The following KIAA0825 variants were observed in gnomAD, a reference collection of about 807,000 sequenced individuals.
KIAA0825 encodes KIAA0825, also known as uncharacterized protein KIAA0825.
In KIAA0825, 119 loss-of-function variants were observed where a neutral mutation model predicts 147.6. The ratio of observed to expected loss-of-function variants is 0.81; its 90% CI spans 0.69 to 0.94. The LOEUF (loss-of-function observed/expected upper bound fraction) is 0.94, where lower values mean the gene tolerates loss of function less well. KIAA0825 is among the 40% of genes least tolerant of loss of function. The pLI, the probability that KIAA0825 is intolerant of heterozygous loss-of-function variation, is 0.00. For missense variants in KIAA0825, 1,381 were observed against 1,472.7 expected (o/e 0.94, Z 1.02); for synonymous variants, 470 against 518.1 (o/e 0.91, Z 1.26).
intron 20 of KIAA0825, among the ~76,000 whole-genome samples, chr5:94,365,627 A>C (rs1321153074): frequency 6.6e-6 from 1 of 152,154 alleles, no homozygotes; most frequent in Non-Finnish European, 1.5e-5. Context: ...GACCTAACTA[A>C]CACCATCTTG....
chr5:94,290,568 A>G (rs962989162), intron 20 of KIAA0825, among the ~76,000 whole-genome samples: 2 of 152,106 alleles, frequency 1.3e-5, no homozygotes, highest in African/African-American at 4.8e-5. Context: ...AGTCTTTGCT[A>G]TTGTAAATAG....
intron 20 of KIAA0825, among the ~76,000 whole-genome samples, chr5:94,251,027 C>T (rs923422188): frequency 6.6e-6 from 1 of 152,040 alleles, no homozygotes; most frequent in Non-Finnish European, 1.5e-5. Context: ...CCTTTTATTC[C>T]ATAACCAGCT....
intron 20 of KIAA0825, among the ~76,000 whole-genome samples, chr5:94,289,815 A>C (rs1174847116): frequency 6.6e-6 from 1 of 151,830 alleles, no homozygotes; most frequent in African/African-American, 2.4e-5. Flanking sequence ...TGAGGCAGGA[A>C]GATCACTTGA....
At chr5:94,521,405 A>C (rs938890680) in intron 4 of KIAA0825, among the ~76,000 whole-genome samples, 1 of 151,802 alleles carries the variant, frequency 6.6e-6, no homozygotes, top group African/African-American at 2.4e-5. Context: ...TCATTCTAGA[A>C]TATAGATCTT....
intron 20 of KIAA0825, among the ~76,000 whole-genome samples, chr5:94,178,128 T>C (rs150746947): frequency 6.6e-6 from 1 of 152,180 alleles, no homozygotes; most frequent in East Asian, 1.9e-4. Flanking sequence ...TGTTTCTTGC[T>C]GGGATATTGA....
intron 10 of KIAA0825, 57 bp from the exon 11 acceptor site, chr5:94,465,116 G>A: frequency 6.8e-7 from 1 of 1,481,298 alleles, no homozygotes; most frequent in Non-Finnish European, 9.1e-7. Context: ...ATGTCGATTT[G>A]CTTCCTATGA....
intron 1 of KIAA0825, among the ~76,000 whole-genome samples, chr5:94,596,056 T>A (rs1039293047): frequency 2.0e-5 from 3 of 152,222 alleles, no homozygotes; most frequent in African/African-American, 7.2e-5. Flanking sequence ...TTTTACTCTG[T>A]TGATGGTTTC....
At chr5:94,316,737 C>T (rs1562373141) in intron 20 of KIAA0825, among the ~76,000 whole-genome samples, 2 of 151,748 alleles carry the variant, frequency 1.3e-5, no homozygotes, top group Non-Finnish European at 2.9e-5. Context: ...TATGCTTTTG[C>T]ATCCTTTCAG....
intron 20 of KIAA0825, among the ~76,000 whole-genome samples, chr5:94,290,171 C>T (rs1219241169): frequency 6.6e-6 from 1 of 152,070 alleles, no homozygotes; most frequent in Admixed American, 6.6e-5. Context: ...TTCTGGGATA[C>T]CTGTGCAGAA....
chr5:94,469,889 A>G, intron 10 of KIAA0825, 72 bp downstream of exon 10: 2 of 1,257,588 alleles, frequency 1.6e-6, no homozygotes, highest in South Asian at 1.9e-5. Flanking sequence ...CATGTTTCTA[A>G]TTAGCCAGAA....
intron 2 of KIAA0825, among the ~76,000 whole-genome samples, chr5:94,539,370 T>C (rs932916463): frequency 5.9e-5 from 9 of 152,330 alleles, no homozygotes; most frequent in African/African-American, 1.9e-4. Context: ...CTTTACTCTA[T>C]GGACACCCTG....
intron 20 of KIAA0825, among the ~76,000 whole-genome samples, chr5:94,282,086 A>G (rs927335703): frequency 2.0e-5 from 3 of 152,134 alleles, no homozygotes; most frequent in Non-Finnish European, 4.4e-5. Context: ...GATGTTCTCA[A>G]TTAGACTATA....
intron 20 of KIAA0825, among the ~76,000 whole-genome samples, chr5:94,333,139 T>A (rs1781456312): frequency 6.6e-6 from 1 of 152,230 alleles, no homozygotes; most frequent in Admixed American, 6.5e-5. Context: ...CTTTGTCAGA[T>A]GAATAGATTG....
In KIAA0825 at chr5:94,376,601, C is replaced by G. The variant is rs1339299978; in HGVS notation, c.3710+7767G>C. Reference sequence around the variant, plus strand: ...GCATTTTAAATACATGTTAGATAATCTCTGCAAAAAACAAACAAACAAACA... The same window carrying G: ...GCATTTTAAATACATGTTAGATAATGTCTGCAAAAAACAAACAAACAAACA... On this transcript the variant is annotated intron_variant, in intron 20 of 20. Transcript: ENST00000682413. Among the ~76,000 whole-genome samples the G allele has an allele frequency of 3.2e-4, 49 of 151,956 alleles. 1 individual carries two copies. The highest frequency in any genetic ancestry group is 3.1e-3 in the Admixed American group (47 of 15,264).
intron 20 of KIAA0825, 55 bp downstream of exon 20, chr5:94,384,313 G>A (rs990889059): frequency 2.2e-5 from 28 of 1,257,444 alleles, no homozygotes; most frequent in African/African-American, 1.0e-4. Flanking sequence ...ACACACACAC[G>A]CACACACACA....
At chr5:94,420,707 G>T (rs1250960788) in intron 14 of KIAA0825, among the ~76,000 whole-genome samples, 1 of 152,060 alleles carries the variant, frequency 6.6e-6, no homozygotes, top group Non-Finnish European at 1.5e-5. Flanking sequence ...ACTAAAGAAG[G>T]AAGAAATGTT....
At chr5:94,383,460 TACTC>T (rs1422073420) in intron 20 of KIAA0825, among the ~76,000 whole-genome samples, 2 of 152,174 alleles carry the variant, frequency 1.3e-5, no homozygotes, top group Admixed American at 6.5e-5. Context: ...AAAAAAAAGA[TACTC>T]AATATTTTTG....
At chr5:94,615,364 G>A (rs1355629164) in intron 1 of KIAA0825, among the ~76,000 whole-genome samples, 1 of 152,190 alleles carries the variant, frequency 6.6e-6, no homozygotes, top group Non-Finnish European at 1.5e-5. Context: ...CACACATTTA[G>A]CAGCTGAACC....
intron 20 of KIAA0825, among the ~76,000 whole-genome samples, chr5:94,180,674 C>T (rs532165931): frequency 3.4e-4 from 52 of 152,040 alleles, no homozygotes; most frequent in Non-Finnish European, 7.1e-4. Context: ...TTAAGGTCAG[C>T]CTAATTTTTG....
Sources: allele counts gnomAD v4.1 joint callset (sites outside exome capture counted in the v4.1 genomes callset), GRCh38; gene constraint gnomAD v4.1.1; transcripts MANE v1.5; gene names NCBI Gene and HGNC (gene_info 2026-07-23, HGNC 2026-07-21).